Variants in GRIN2A observed in about 807,000 individuals in gnomAD.
The protein encoded by GRIN2A is glutamate ionotropic receptor NMDA type subunit 2A.
In GRIN2A, 22 loss-of-function variants were observed where a neutral mutation model predicts 113.4. The observed-to-expected ratio is 0.19, with a 90% CI of 0.14 to 0.28. GRIN2A has a LOEUF of 0.28. Among genes scored for constraint, GRIN2A ranks in the 10% least tolerant of loss-of-function variants. The probability of loss-of-function intolerance (pLI) is 1.00; values close to 1 mark genes in which losing one functional copy is unlikely to be tolerated. For missense variants in GRIN2A, 1,502 were observed against 1,887.0 expected (o/e 0.80, Z 3.78); for synonymous variants, 827 against 738.4 (o/e 1.12, Z -1.94).
chr16:10,104,358 A>G (rs1267482116), intron 2 of GRIN2A, among the ~76,000 whole-genome samples: 1 of 152,188 alleles, frequency 6.6e-6, no homozygotes, highest in Admixed American at 6.5e-5. Context: ...TGGTGGCAGC[A>G]AGAAGTTGAG....
intron 2 of GRIN2A, among the ~76,000 whole-genome samples, chr16:9,974,939 C>T (rs2045746025): frequency 6.6e-6 from 1 of 152,090 alleles, no homozygotes; most frequent in Admixed American, 6.5e-5. Flanking sequence ...GAAAAGCTCT[C>T]AATTTTCACC....
chr16:10,059,378 C>A (rs943347710), intron 2 of GRIN2A, among the ~76,000 whole-genome samples: 2 of 152,004 alleles, frequency 1.3e-5, no homozygotes, highest in African/African-American at 4.8e-5. Flanking sequence ...TTGCATTCAT[C>A]CAAGTAAGAG....
chr16:9,867,656 C>T (rs1224567797), intron 4 of GRIN2A, among the ~76,000 whole-genome samples: 1 of 152,196 alleles, frequency 6.6e-6, no homozygotes, highest in Non-Finnish European at 1.5e-5. Flanking sequence ...GACAATGGGA[C>T]TACTCACATC....
At chr16:9,890,424 T>C (rs1326367591) in intron 4 of GRIN2A, among the ~76,000 whole-genome samples, 1 of 152,238 alleles carries the variant, frequency 6.6e-6, no homozygotes, top group African/African-American at 2.4e-5. Context: ...GATGATTTTT[T>C]TCTTTGCAAA....
intron 2 of GRIN2A, among the ~76,000 whole-genome samples, chr16:10,140,579 G>A (rs747225391): frequency 7.9e-5 from 12 of 152,074 alleles, no homozygotes; most frequent in Non-Finnish European, 1.6e-4. Context: ...GGCACTTTTG[G>A]GGAACCAACT....
At chr16:9,893,018 A>T (rs1193603093) in intron 3 of GRIN2A, among the ~76,000 whole-genome samples, 1 of 151,978 alleles carries the variant, frequency 6.6e-6, no homozygotes, top group East Asian at 1.9e-4. Flanking sequence ...AATGGGTCAC[A>T]TGTACATCCC....
intron 11 of GRIN2A, among the ~76,000 whole-genome samples, chr16:9,789,210 CCAGG>C (rs1902436570): frequency 6.6e-6 from 1 of 152,198 alleles, no homozygotes; most frequent in Non-Finnish European, 1.5e-5. Context: ...ATTTTCAAAA[CCAGG>C]CAGTAACCGG....
intron 2 of GRIN2A, among the ~76,000 whole-genome samples, chr16:10,126,656 G>A (rs2048943465): frequency 6.6e-6 from 1 of 151,938 alleles, no homozygotes; most frequent in South Asian, 2.1e-4. Flanking sequence ...TAACCCTTTG[G>A]CACGTATCAC....
chr16:10,040,030 A>ACGC, intron 2 of GRIN2A, among the ~76,000 whole-genome samples: 1 of 478 alleles, frequency 2.1e-3, no homozygotes, highest in Non-Finnish European at 4.4e-3. Context: ...ACACACAAAT[A>ACGC]TACTACACAC....
chr16:10,004,730 C>T (rs2046376909), intron 2 of GRIN2A, among the ~76,000 whole-genome samples: 1 of 152,152 alleles, frequency 6.6e-6, no homozygotes, highest in Admixed American at 6.5e-5. Flanking sequence ...CCCTGTCTTT[C>T]CCTGATGAGG....
intron 2 of GRIN2A, among the ~76,000 whole-genome samples, chr16:9,964,289 A>T (rs776223372): frequency 6.6e-6 from 1 of 152,232 alleles, no homozygotes; most frequent in Non-Finnish European, 1.5e-5. Flanking sequence ...CCAATCCTGC[A>T]TCTACCACTT....
Position 9,849,758 on chromosome 16 carries a change from G to A in GRIN2A, c.1326C>T (p.Ile442=). ...GTGACAGCATTCCTGCCACTCACTT[G>A]ATTTTGACGAACTTCCGACATGGCA... ...NTVPCRKFVK[I]NNSTNEGMNV... Residue 442 remains isoleucine, a splice_region_variant and synonymous_variant, in exon 5 of 13, where the codon ATC becomes ATT. Coordinates refer to ENST00000330684, the MANE Select transcript of GRIN2A (RefSeq NM_001134407.3). 6.2e-7 allele frequency: 1 copy of A among 1,613,100 alleles called. No individual in the cohort carries two copies. The highest frequency in any genetic ancestry group is 1.7e-4 in the Middle Eastern group (1 of 6,058).
chr16:9,950,360 G>T (rs951604331), intron 2 of GRIN2A, among the ~76,000 whole-genome samples: 1 of 152,016 alleles, frequency 6.6e-6, no homozygotes, highest in Non-Finnish European at 1.5e-5. Context: ...GGATCCCTAG[G>T]GAGCCCTTGG....
intron 4 of GRIN2A, among the ~76,000 whole-genome samples, chr16:9,872,709 G>A (rs1207658693): frequency 2.6e-5 from 4 of 152,092 alleles, no homozygotes; most frequent in African/African-American, 9.7e-5. Flanking sequence ...GATCATAAGT[G>A]AAGCAACTCA....
At chr16:10,136,651 T>A (rs2049197094) in intron 2 of GRIN2A, among the ~76,000 whole-genome samples, 1 of 152,264 alleles carries the variant, frequency 6.6e-6, no homozygotes, top group African/African-American at 2.4e-5. Context: ...ATATTTTGGA[T>A]GAATTTATCT....
intron 4 of GRIN2A, among the ~76,000 whole-genome samples, chr16:9,882,344 G>A (rs1399543874): frequency 2.0e-5 from 3 of 152,162 alleles, no homozygotes; most frequent in Non-Finnish European, 4.4e-5. Flanking sequence ...ACTCAAGAGA[G>A]CAATCATAGC....
intron 2 of GRIN2A, among the ~76,000 whole-genome samples, chr16:9,979,134 GT>G (rs1405988455): frequency 6.6e-6 from 1 of 152,092 alleles, no homozygotes; most frequent in African/African-American, 2.4e-5. Context: ...ATTCTAACAG[GT>G]TTATTTTATC....
At chr16:9,980,320 TAA>T (rs2045867144) in intron 2 of GRIN2A, among the ~76,000 whole-genome samples, 1 of 151,308 alleles carries the variant, frequency 6.6e-6, no homozygotes, top group Admixed American at 6.6e-5. Context: ...TGGCGATCAT[TAA>T]AAAGTCAGGA....
chr16:9,811,789 G>T (rs2042091652), intron 10 of GRIN2A, among the ~76,000 whole-genome samples: 1 of 152,052 alleles, frequency 6.6e-6, no homozygotes, highest in East Asian at 1.9e-4. Flanking sequence ...CAAACAAGAG[G>T]TGATCCCTAA....
Sources: gnomAD v4.1 joint callset for allele counts (sites outside exome capture counted in the v4.1 genomes callset) on GRCh38, gnomAD v4.1.1 for gene constraint, MANE v1.5 for transcripts, NCBI Gene and HGNC (gene_info 2026-07-23, HGNC 2026-07-21) for gene names.